LPIN1: variants seen among roughly 807,000 people sequenced by gnomAD.
LPIN1 encodes lipin 1, also known as phosphatidate phosphatase LPIN1.
A neutral mutation model predicts 107.5 loss-of-function variants in LPIN1; 71 were observed. The observed-to-expected ratio is 0.66, with a 90% CI of 0.55 to 0.80. The LOEUF is 0.80. Among genes scored for constraint, LPIN1 ranks in the 30% least tolerant of loss-of-function variants. The pLI is 0.00. For synonymous variants in LPIN1, 445 were observed against 452.6 expected (o/e 0.98, Z 0.21); for missense variants, 1,043 against 1,160.6 (o/e 0.90, Z 1.47).
rs1572376130 is a variant in LPIN1 at position 11,714,187 on chromosome 2, G to GT, written c.138+375_138+376insT. The stretch of plus-strand genomic sequence containing the variant: ...TTACTGGACGATCCTTACCGCAAAT[G>GT]CAGTTGCACATGACTAATGAGAGCC... On this transcript the variant is annotated intron_variant, in intron 2 of 21. Transcript: ENST00000449576. Among the ~76,000 whole-genome samples the GT allele has an allele frequency of 2.0e-5, 3 of 152,216 alleles. No homozygotes were observed. In the East Asian group the frequency reaches 5.8e-4, roughly 29 times the overall value.
At chr2:11,768,027 C>T (rs1184957729) in intron 3 of LPIN1, among the ~76,000 whole-genome samples, 169 bp downstream of exon 3, 1 of 152,174 alleles carries the variant, frequency 6.6e-6, no homozygotes, top group Middle Eastern at 3.4e-3. Context: ...GCCAGACGGC[C>T]TAGGGGTGTG....
chr2:11,752,946 C>T (rs1036038923), intron 1 of LPIN1, among the ~76,000 whole-genome samples: 61 of 152,182 alleles, frequency 4.0e-4, no homozygotes, highest in African/African-American at 1.4e-3. Context: ...ACCATGTGAC[C>T]TCTGTCACCT....
upstream of LPIN1, among the ~76,000 whole-genome samples, chr2:11,721,263 CGTGTGTGTGTGTGTGTGTGTGTGT>C (rs5829326): frequency 2.3e-5 from 3 of 129,808 alleles, no homozygotes; most frequent in Non-Finnish European, 3.3e-5. Flanking sequence ...GTACTGCATG[CGTGTGTGTGTGTGTGTGTGTGTGT>C]GTGTGTGTGT....
intron 18 of LPIN1, chr2:11,817,320 A>G (rs1680741710): frequency 6.6e-6 from 1 of 152,214 alleles, no homozygotes; most frequent in South Asian, 2.1e-4. Context: ...TCAGCACAGG[A>G]TGGTGATCAC....
chr2:11,784,079 CG>C lies in LPIN1; in HGVS notation c.1358+159del, dbSNP rs1558900829. The C allele has an allele frequency of 4.0e-6, 5 of 1,262,514 alleles. No homozygotes were observed. In the East Asian group the frequency reaches 1.4e-4, roughly 36 times the overall value. 78.2% of individuals were successfully genotyped at this position (1,262,514 alleles called of 1,614,324 possible). A position where few individuals can be genotyped will look rare whatever the true frequency, so the allele number is the denominator to read the frequency against. On this transcript the variant is annotated intron_variant, in intron 9 of 20. Coordinates refer to ENST00000674199, the MANE Select transcript of LPIN1 (RefSeq NM_001349206.2). The stretch of plus-strand genomic sequence containing the variant: ...CAGCACTTTGGGAGGCTGAGGTGGG[CG>C]GATCACTTGAGGTCAGGAGTTCAAG...
upstream of LPIN1, among the ~76,000 whole-genome samples, chr2:11,721,164 A>C (rs745456308): frequency 2.0e-5 from 3 of 152,098 alleles, no homozygotes; most frequent in Non-Finnish European, 4.4e-5. Flanking sequence ...GTGAATTCGC[A>C]TTAATTCCTT....
At chr2:11,740,684 G>GAAAAAAAAAAA (rs56188204) in intron 1 of LPIN1, among the ~76,000 whole-genome samples, 3 of 81,554 alleles carry the variant, frequency 3.7e-5, no homozygotes, top group Non-Finnish European at 4.8e-5. Context: ...GCTCTATCTC[G>GAAAAAAAAAAA]AAAAAAAAAA....
intron 12 of LPIN1, among the ~76,000 whole-genome samples, chr2:11,790,216 A>G (rs1409771709): frequency 6.6e-6 from 1 of 152,208 alleles, no homozygotes; most frequent in Admixed American, 6.5e-5. Context: ...GGTGAAGATG[A>G]TTTTTGTTTT....
At chr2:11,804,924 T>C in intron 16 of LPIN1, 146 bp from the exon 17 acceptor site, 1 of 674,582 alleles carries the variant, frequency 1.5e-6, no homozygotes, top group Non-Finnish European at 2.6e-6. Flanking sequence ...CAGCATCAAC[T>C]TTGATGACTT....
intron 1 of LPIN1, among the ~76,000 whole-genome samples, chr2:11,679,659 C>T (rs1483561029): frequency 6.6e-6 from 1 of 152,222 alleles, no homozygotes; most frequent in Non-Finnish European, 1.5e-5. Context: ...ATACTAAGCC[C>T]CAGGCTAAAA....
At chr2:11,681,894 A>G (rs1429205102) in intron 1 of LPIN1, among the ~76,000 whole-genome samples, 1 of 152,142 alleles carries the variant, frequency 6.6e-6, no homozygotes, top group Non-Finnish European at 1.5e-5. Context: ...GCCCCTTTCT[A>G]CAGGGACCTT....
intron 14 of LPIN1, among the ~76,000 whole-genome samples, chr2:11,798,989 T>G (rs902230554): frequency 6.6e-6 from 1 of 152,232 alleles, no homozygotes; most frequent in Non-Finnish European, 1.5e-5. Context: ...CCTTTTGTTT[T>G]GTTTTGTTGC....
intron 10 of LPIN1, 131 bp downstream of exon 10, chr2:11,785,207 G>A: frequency 4.3e-6 from 3 of 690,468 alleles, no homozygotes; most frequent in East Asian, 2.8e-5. Context: ...ACAGATGATA[G>A]CACCGAACTC....
rs1663168193 is a variant in LPIN1, at chr2:11,707,219, C to A, written c.82-6537C>A. 6.6e-6 allele frequency among the ~76,000 whole-genome samples: 1 copy of A among 152,170 alleles called. No homozygotes were observed. On this transcript the variant is annotated intron_variant, in intron 1 of 21. Transcript: ENST00000449576. The surrounding 1 kb of genome is among the most constrained non-coding windows in gnomAD (Gnocchi z 4.2). ...TGATAAAGTGCTAAGAAGAAAAAGA[C>A]AGCAGGGTAAGGAGACGGGGGATGA...
intron 1 of LPIN1, among the ~76,000 whole-genome samples, chr2:11,753,116 G>A (rs1475250329): frequency 1.3e-5 from 2 of 152,100 alleles, no homozygotes; most frequent in African/African-American, 2.4e-5. Context: ...GCAGGGTGGG[G>A]GTGTGCTGGA....
rs1674625496 is a variant in LPIN1, at chr2:11,786,634, C to T, written c.1550-440C>T. Among the ~76,000 whole-genome samples, 1 of 152,194 alleles carries T rather than the reference C, an allele frequency of 6.6e-6. No homozygotes were observed. Among genetic ancestry groups the T allele is most frequent in the African/African-American group, 2.4e-5 (1 of 41,448 alleles). ...CAGTCCCCATGACCACCCTAGGAAG[C>T]AGATGTGGTTATTATCCCCATGCTA... On this transcript the variant is annotated intron_variant, in intron 10 of 20. Coordinates refer to ENST00000674199, the MANE Select transcript of LPIN1 (RefSeq NM_001349206.2). The surrounding 1 kb of genome is among the most constrained non-coding windows in gnomAD (Gnocchi z 4.1).
chr2:11,737,156 G>A (rs1261700741), intron 1 of LPIN1, among the ~76,000 whole-genome samples: 8 of 152,178 alleles, frequency 5.3e-5, no homozygotes, highest in Admixed American at 3.9e-4. Flanking sequence ...ATTAATAAAT[G>A]GTGCTGGGAA....
intron 1 of LPIN1, among the ~76,000 whole-genome samples, chr2:11,695,170 C>T (rs954864214): frequency 6.6e-6 from 1 of 152,204 alleles, no homozygotes; most frequent in Non-Finnish European, 1.5e-5. Flanking sequence ...TCGAACAAAA[C>T]AACTCAAAAG....
chr2:11,693,632 C>T (rs1662379821), intron 1 of LPIN1, among the ~76,000 whole-genome samples: 1 of 151,508 alleles, frequency 6.6e-6, no homozygotes, highest in Non-Finnish European at 1.5e-5. Context: ...TTGCCCTTGG[C>T]ACCTCTCTGA....
Sources: gnomAD v4.1 joint callset for allele counts (sites outside exome capture counted in the v4.1 genomes callset) on GRCh38, gnomAD v4.1.1 for gene constraint, Gnocchi (gnomAD v3.1) non-coding constraint, MANE v1.5 for transcripts, NCBI Gene and HGNC (gene_info 2026-07-23, HGNC 2026-07-21) for gene names.